The following USP6NL variants were observed in gnomAD, a reference collection of about 807,000 sequenced individuals.
USP6NL encodes the protein USP6 N-terminal like, also known as USP6 N-terminal-like protein.
USP6NL carries 26 observed loss-of-function variants against 61.9 expected under a neutral mutation model. The observed-to-expected ratio is 0.42, with a 90% CI of 0.31 to 0.58. USP6NL has a LOEUF of 0.58. Ranked by LOEUF, USP6NL falls within the 20% of genes least tolerant of loss-of-function variation. USP6NL has a pLI of 0.16. For synonymous variants in USP6NL, 432 were observed against 390.1 expected (o/e 1.11, Z -1.27); for missense variants, 1,114 against 1,034.3 (o/e 1.08, Z -1.06).
chr10:11,600,882 T>TG lies in USP6NL; in HGVS notation c.-83-3166dup, dbSNP rs1564244202. Among the ~76,000 whole-genome samples, 1 of 151,936 alleles carries TG rather than the reference T, an allele frequency of 6.6e-6. No individual in the cohort carries two copies. The highest frequency in any genetic ancestry group is 1.5e-5 in the Non-Finnish European group (1 of 67,986). On this transcript the variant is annotated intron_variant, in intron 1 of 14. Transcript: ENST00000609104. This position sits in a 1 kb window ranked among gnomAD's most constrained non-coding sequence, Gnocchi z 4.1. ...ACTGGAGAGGCTGAGGCAAGAGAAT[T>TG]GCTTGAGCCTGGGAGGTGGAGGCTG...
chr10:11,609,120 A>G (rs1838797067), intron 1 of USP6NL, among the ~76,000 whole-genome samples: 1 of 152,112 alleles, frequency 6.6e-6, no homozygotes, highest in South Asian at 2.1e-4. Flanking sequence ...GTTGGAGTGC[A>G]GTGGAGCGAT....
chr10:11,610,403 A>G (rs1174413605), intron 1 of USP6NL, among the ~76,000 whole-genome samples: 2 of 152,210 alleles, frequency 1.3e-5, no homozygotes, highest in Non-Finnish European at 2.9e-5. Flanking sequence ...TGACTTCAGG[A>G]AAGAAAAAAG....
Position 11,464,495 on chromosome 10 carries a change from T to A in USP6NL, c.1079-646A>T, listed in dbSNP as rs1036756993. Among the ~76,000 whole-genome samples the A allele has an allele frequency of 2.0e-5, 3 of 152,196 alleles. No homozygotes were observed. The South Asian group carries it at 6.2e-4, about 32-fold the overall frequency. ...GGCAGAAACTAACCTGCCCAAAGGC[T>A]CACCACTAGCAAGTCACAGGTCCAG... On this transcript the variant is annotated intron_variant, in intron 14 of 14. Coordinates refer to ENST00000609104, the MANE Select transcript of USP6NL (RefSeq NM_014688.5).
intron 2 of USP6NL, among the ~76,000 whole-genome samples, chr10:11,571,375 C>T (rs529046398): frequency 7.2e-4 from 109 of 152,200 alleles, no homozygotes; most frequent in African/African-American, 2.4e-3. Context: ...CATAAGCCAC[C>T]GCGCCCAGCC....
rs1566130736 is a variant in USP6NL, at chr10:11,490,924, AT to A, written c.495-45del. 6.8e-7 allele frequency: 1 copy of A among 1,476,278 alleles called. No individual in the cohort carries two copies. Among genetic ancestry groups the A allele is most frequent in the Non-Finnish European group, 9.1e-7 (1 of 1,103,396 alleles). The allele number at this position is 1,476,278 out of a possible 1,614,324, so 91.4% of individuals were successfully genotyped here. On this transcript the variant is annotated intron_variant, in intron 8 of 14. Coordinates refer to ENST00000609104, the MANE Select transcript of USP6NL (RefSeq NM_014688.5). The surrounding 1 kb of genome is among the most constrained non-coding windows in gnomAD (Gnocchi z 4.5). ...ATTAAATACAATTTAGTAATTTCAC[AT>A]ATTTTAAAAATTACAAACTTAAAAA...
chr10:11,495,111 G>A lies in USP6NL; in HGVS notation c.385-1883C>T, dbSNP rs947654769. Among the ~76,000 whole-genome samples the A allele has an allele frequency of 6.6e-6, 1 of 152,240 alleles. No individual in the cohort carries two copies. Among genetic ancestry groups the A allele is most frequent in the East Asian group, 1.9e-4 (1 of 5,200 alleles). On this transcript the variant is annotated intron_variant, in intron 7 of 14. Coordinates refer to ENST00000609104, the MANE Select transcript of USP6NL (RefSeq NM_014688.5). This position sits in a 1 kb window ranked among gnomAD's most constrained non-coding sequence, Gnocchi z 4.6. ...CGTCTTCCCAGATGCTGGCGTTACC[G>A]CTAGACCAAGGAGCCCTCTGGTGGC... is the stretch of plus-strand genomic sequence containing the variant.
rs368971562 is a variant in USP6NL, at chr10:11,462,178, T to C, written c.*263A>G. On this transcript the variant is annotated 3_prime_UTR_variant, in exon 15 of 15. Coordinates refer to ENST00000609104, the MANE Select transcript of USP6NL (RefSeq NM_014688.5). ...AACATAACCGGAACTGAGTAATAAA[T>C]TACCACTGTGCGTGCATCCCTAAAT... The C allele has an allele frequency of 1.2e-5, 5 of 431,316 alleles. No homozygotes were observed. The highest frequency in any genetic ancestry group is 6.2e-4 in the Middle Eastern group (1 of 1,614). The allele number at this position is 431,316 out of a possible 1,614,324, so 26.7% of individuals were successfully genotyped here.
chr10:11,516,501 G>A (rs955070057), intron 5 of USP6NL, among the ~76,000 whole-genome samples: 3 of 152,166 alleles, frequency 2.0e-5, no homozygotes, highest in Non-Finnish European at 4.4e-5. Flanking sequence ...TGAAGAACTT[G>A]GGGGAAATCC....
Position 11,468,137 on chromosome 10 carries a change from A to G in USP6NL, c.1079-4288T>C, listed in dbSNP as rs1330880131. 6.6e-6 allele frequency among the ~76,000 whole-genome samples: 1 copy of G among 152,182 alleles called. No homozygotes were observed. Among genetic ancestry groups the G allele is most frequent in the African/African-American group, 2.4e-5 (1 of 41,440 alleles). The stretch of plus-strand genomic sequence containing the variant: ...TCTGAGTGATCAAAAATCCATTTTT[A>G]ATTAATCCATTTATTGATTCTTGCC... On this transcript the variant is annotated intron_variant, in intron 14 of 14. Coordinates refer to ENST00000609104, the MANE Select transcript of USP6NL (RefSeq NM_014688.5). The surrounding 1 kb of genome is among the most constrained non-coding windows in gnomAD (Gnocchi z 4.5).
rs536862510 is a variant in USP6NL at position 11,481,498 on chromosome 10, G to A, written c.1078+272C>T. Among the ~76,000 whole-genome samples, 1 of 152,316 alleles carries A rather than the reference G, an allele frequency of 6.6e-6. No individual in the cohort carries two copies. The highest frequency in any genetic ancestry group is 2.4e-5 in the African/African-American group (1 of 41,588). ...CGTTTAAAGCACCATGGCTACTTCT[G>A]TTGAACAACAGTATTTGCCAACCAA... On this transcript the variant is annotated intron_variant, in intron 14 of 14. Transcript: ENST00000609104. The surrounding 1 kb of genome is among the most constrained non-coding windows in gnomAD (Gnocchi z 4.4).
chr10:11,495,049 T>TAGG lies in USP6NL; in HGVS notation c.385-1822_385-1821insCCT, dbSNP rs1432506582. ...GTAGCCGGTGTTTTCCCTTGACACT[T>TAGG]ACGCTACTGCTAGACCTCGGTCCGC... On this transcript the variant is annotated intron_variant, in intron 7 of 14. Transcript: ENST00000609104. This position sits in a 1 kb window ranked among gnomAD's most constrained non-coding sequence, Gnocchi z 4.6. 6.6e-6 allele frequency among the ~76,000 whole-genome samples: 1 copy of TAGG among 152,206 alleles called. No individual in the cohort carries two copies.
Position 11,462,297 on chromosome 10 carries a change from A to G in USP6NL, c.*144T>C. 3 of 997,334 alleles carry G rather than the reference A, an allele frequency of 3.0e-6. No individual in the cohort carries two copies. Among genetic ancestry groups the G allele is most frequent in the South Asian group, 1.8e-5 (1 of 56,970 alleles). The allele number at this position is 997,334 out of a possible 1,614,324, so 61.8% of individuals were successfully genotyped here. A position where few individuals can be genotyped will look rare whatever the true frequency, so the allele number is the denominator to read the frequency against. On this transcript the variant is annotated 3_prime_UTR_variant, in exon 15 of 15. Transcript: ENST00000609104. ...GCAGCATCTACGTGGGGCTGAAGAC[A>G]TTTCCCTGTATTCTTACTACTAACA... is the stretch of plus-strand genomic sequence containing the variant.
At chr10:11,560,724 A>C (rs1013846871) in intron 2 of USP6NL, among the ~76,000 whole-genome samples, 3 of 143,588 alleles carry the variant, frequency 2.1e-5, no homozygotes, top group Non-Finnish European at 4.5e-5. Context: ...TTATATATAT[A>C]TATATATATA....
Position 11,495,500 on chromosome 10 carries a change from T to C in USP6NL, c.385-2272A>G, listed in dbSNP as rs966342563. ...TTACAGTCTGGGAACTCCTAGGCTA[T>C]CATCTAATTTTCTTGTATTTTTCTG... is the stretch of plus-strand genomic sequence containing the variant. On this transcript the variant is annotated intron_variant, in intron 7 of 14. Coordinates refer to ENST00000609104, the MANE Select transcript of USP6NL (RefSeq NM_014688.5). The surrounding 1 kb of genome is among the most constrained non-coding windows in gnomAD (Gnocchi z 4.6). 8.5e-5 allele frequency among the ~76,000 whole-genome samples: 13 copies of C among 152,194 alleles called. No individual in the cohort carries two copies. Among genetic ancestry groups the C allele is most frequent in the Non-Finnish European group, 1.9e-4 (13 of 68,026 alleles).
rs1833071547 is a variant in USP6NL at position 11,478,794 on chromosome 10, A to G, written c.1078+2976T>C. ...GTGGCATGCACCTGTAGTCCCAGCT[A>G]CCTGGGGAGACTGAGGTGGGAGGAT... On this transcript the variant is annotated intron_variant, in intron 14 of 14. Transcript: ENST00000609104. This position sits in a 1 kb window ranked among gnomAD's most constrained non-coding sequence, Gnocchi z 6.8. Among the ~76,000 whole-genome samples the G allele has an allele frequency of 6.6e-6, 1 of 152,036 alleles. No individual in the cohort carries two copies. Among genetic ancestry groups the G allele is most frequent in the Non-Finnish European group, 1.5e-5 (1 of 67,992 alleles).
At chr10:11,579,568 C>G (rs187861204) in intron 2 of USP6NL, among the ~76,000 whole-genome samples, 1 of 152,298 alleles carries the variant, frequency 6.6e-6, no homozygotes, top group Admixed American at 6.5e-5. Context: ...TTTCTCTACT[C>G]AGATTTTCAA....
At chr10:11,564,121 G>A (rs1009107191) in intron 2 of USP6NL, 2 of 152,174 alleles carry the variant, frequency 1.3e-5, no homozygotes, top group African/African-American at 4.8e-5. Flanking sequence ...AGCGCTCCAT[G>A]ACTAAGTAGC....
rs1262190531 is a variant in USP6NL, at chr10:11,525,928, T to C, written c.73-460A>G. On this transcript the variant is annotated intron_variant, in intron 3 of 14. Transcript: ENST00000609104. The surrounding 1 kb of genome is among the most constrained non-coding windows in gnomAD (Gnocchi z 5.0). ...CGTCTAGTTCTTTACTTCACAGCTA[T>C]GCCAGCCTGAAACTACTCTTGCCAA... 6.6e-6 allele frequency among the ~76,000 whole-genome samples: 1 copy of C among 152,222 alleles called. No homozygotes were observed. The highest frequency in any genetic ancestry group is 2.4e-5 in the African/African-American group (1 of 41,464).
chr10:11,503,717 T>G (rs1357701860), intron 6 of USP6NL, among the ~76,000 whole-genome samples: 1 of 152,182 alleles, frequency 6.6e-6, no homozygotes, highest in Non-Finnish European at 1.5e-5. Flanking sequence ...CTGTTTTATT[T>G]TATCCCTTCC....
Sources: gnomAD v4.1 joint callset for allele counts (sites outside exome capture counted in the v4.1 genomes callset) on GRCh38, gnomAD v4.1.1 for gene constraint, Gnocchi (gnomAD v3.1) non-coding constraint, MANE v1.5 for transcripts, NCBI Gene and HGNC (gene_info 2026-07-23, HGNC 2026-07-21) for gene names.